Variants in DSCAML1 observed in about 807,000 individuals in gnomAD.
The protein encoded by DSCAML1 is cell adhesion molecule DSCAML1.
A neutral mutation model predicts 200.5 loss-of-function variants in DSCAML1; 38 were observed. The observed-to-expected ratio is 0.19, with a 90% CI of 0.15 to 0.25. DSCAML1 has a LOEUF of 0.25. DSCAML1 is among the 10% of genes least tolerant of loss of function. DSCAML1 has a pLI of 1.00. For synonymous variants in DSCAML1, 1,215 were observed against 1,165.0 expected (o/e 1.04, Z -0.87); for missense variants, 2,223 against 2,858.8 (o/e 0.78, Z 5.07).
In DSCAML1 at chr11:117,437,218, G is replaced by A; in HGVS notation, c.4624C>T (p.Arg1542Ter). The A allele has an allele frequency of 6.2e-7, 1 of 1,614,154 alleles. No homozygotes were observed. Among genetic ancestry groups the A allele is most frequent in the Non-Finnish European group, 8.5e-7 (1 of 1,180,036 alleles). Residue 1542 changes from arginine to a stop codon, truncating the protein, a stop_gained, in exon 26 of 33, where the codon CGA (arginine) becomes TGA (stop). Coordinates refer to ENST00000651296, the MANE Select transcript of DSCAML1 (RefSeq NM_020693.4). LOFTEE classifies it high-confidence loss of function. This position sits in a 1 kb window ranked among gnomAD's most constrained non-coding sequence, Gnocchi z 5.3. ...SSGEVFLTEL[R>*]EATWYELRMR... Reference sequence around the variant, plus strand: ...CGCAGCTCGTACCACGTGGCCTCTCGCAGTTCCGTCAGAAACACCTCCCCG... The same window carrying A: ...CGCAGCTCGTACCACGTGGCCTCTCACAGTTCCGTCAGAAACACCTCCCCG...
rs188343727 is a variant in DSCAML1, at chr11:117,686,274, T to C, written c.511+90517A>G. 1.4e-3 allele frequency among the ~76,000 whole-genome samples: 217 copies of C among 152,300 alleles called. 2 individuals carry two copies. The highest frequency in any genetic ancestry group is 4.7e-3 in the African/African-American group (197 of 41,560). On this transcript the variant is annotated intron_variant, in intron 3 of 32. Coordinates refer to ENST00000651296, the MANE Select transcript of DSCAML1 (RefSeq NM_020693.4). The stretch of plus-strand genomic sequence containing the variant: ...CCAGTACTGACCTGCTCTCAGCATA[T>C]GGGCAGAGGTGCGGTCAAGTGCTCA...
intron 3 of DSCAML1, among the ~76,000 whole-genome samples, chr11:117,766,888 G>T (rs2054907189): frequency 1.3e-5 from 2 of 152,108 alleles, no homozygotes; most frequent in Admixed American, 1.3e-4. Flanking sequence ...GATATTGGAA[G>T]AAGTTCTAGG....
intron 12 of DSCAML1, 67 bp from the exon 13 acceptor site, chr11:117,481,337 G>T: frequency 1.3e-6 from 2 of 1,513,378 alleles, no homozygotes; most frequent in Non-Finnish European, 1.8e-6. Flanking sequence ...CTGGTCAGCT[G>T]AAGGGGTCAC....
chr11:117,615,013 C>G lies in DSCAML1; in HGVS notation c.512-82491G>C, dbSNP rs144586909. 2.2e-3 allele frequency among the ~76,000 whole-genome samples: 333 copies of G among 152,152 alleles called. 3 individuals carry two copies. Among genetic ancestry groups the G allele is most frequent in the African/African-American group, 7.7e-3 (319 of 41,508 alleles). On this transcript the variant is annotated intron_variant, in intron 3 of 32. Transcript: ENST00000651296. ...CAGTTTGGCACCAGATAATTTTGCA[C>G]AGAAAAAAAGCCGGTAAAGAATCTA...
At chr11:117,575,125 A>C (rs1471419887) in intron 3 of DSCAML1, among the ~76,000 whole-genome samples, 2 of 152,218 alleles carry the variant, frequency 1.3e-5, no homozygotes, top group African/African-American at 4.8e-5. Flanking sequence ...CAGGAGGCGG[A>C]GGTTGCAATG....
chr11:117,545,234 AACACACAC>A (rs758060622), intron 3 of DSCAML1, among the ~76,000 whole-genome samples: 6 of 143,478 alleles, frequency 4.2e-5, no homozygotes, highest in Middle Eastern at 3.6e-3. Context: ...CGTAAAAAAA[AACACACAC>A]ACACACACAC....
At chr11:117,451,377 T>C (rs2048279715) in intron 19 of DSCAML1, among the ~76,000 whole-genome samples, 1 of 152,212 alleles carries the variant, frequency 6.6e-6, no homozygotes, top group African/African-American at 2.4e-5. Context: ...ATTGTATGGT[T>C]GTGTACTTGT....
chr11:117,751,528 T>C (rs781520066), intron 3 of DSCAML1, among the ~76,000 whole-genome samples: 1 of 151,940 alleles, frequency 6.6e-6, no homozygotes, highest in African/African-American at 2.4e-5. Flanking sequence ...CTGGGCACCA[T>C]CTCGGGGCTT....
At chr11:117,798,310 T>C (rs1003332967), upstream of DSCAML1, among the ~76,000 whole-genome samples, 2 of 152,160 alleles carry the variant, frequency 1.3e-5, no homozygotes, top group African/African-American at 2.4e-5. Flanking sequence ...GCTAGCTGCA[T>C]TTGCCAGAGG....
intron 23 of DSCAML1, 123 bp from the exon 24 acceptor site, chr11:117,439,106 G>GCTC: frequency 7.5e-7 from 1 of 1,334,336 alleles, no homozygotes; most frequent in Non-Finnish European, 1.0e-6. Flanking sequence ...CCACTCCCCA[G>GCTC]CTCTCCTGCC....
chr11:117,526,090 G>A (rs2049973123), intron 4 of DSCAML1, among the ~76,000 whole-genome samples: 1 of 152,226 alleles, frequency 6.6e-6, no homozygotes, highest in Non-Finnish European at 1.5e-5. Flanking sequence ...TGTGTGCAAT[G>A]CCCAGGAATT....
chr11:117,784,285 C>T (rs2055311859), intron 1 of DSCAML1, among the ~76,000 whole-genome samples: 1 of 152,188 alleles, frequency 6.6e-6, no homozygotes, highest in Non-Finnish European at 1.5e-5. Flanking sequence ...TTTGCACTTA[C>T]ATTGGGTTCA....
chr11:117,511,051 A>G (rs1268129825), intron 8 of DSCAML1, among the ~76,000 whole-genome samples: 1 of 152,180 alleles, frequency 6.6e-6, no homozygotes, highest in African/African-American at 2.4e-5. Flanking sequence ...TTATCATCAT[A>G]GAAACCCCCA....
chr11:117,598,625 C>T (rs1430088434), intron 3 of DSCAML1, among the ~76,000 whole-genome samples: 1 of 152,108 alleles, frequency 6.6e-6, no homozygotes, highest in East Asian at 1.9e-4. Context: ...CTCTTTTATT[C>T]CCCAAACATA....
chr11:117,469,574 T>C lies in DSCAML1; in HGVS notation c.3024+336A>G, dbSNP rs1158737202. ...GAACTTGGCACAAAATCAAACCTAC[T>C]TCCAACCTTATTACAACATGTGGGG... On this transcript the variant is annotated intron_variant, in intron 16 of 32. Coordinates refer to ENST00000651296, the MANE Select transcript of DSCAML1 (RefSeq NM_020693.4). The surrounding 1 kb of genome is among the most constrained non-coding windows in gnomAD (Gnocchi z 4.1). Among the ~76,000 whole-genome samples the C allele has an allele frequency of 6.6e-6, 1 of 152,118 alleles. No homozygotes were observed. The highest frequency in any genetic ancestry group is 1.5e-5 in the Non-Finnish European group (1 of 68,014).
chr11:117,479,916 G>A lies in DSCAML1; in HGVS notation c.2785+527C>T, dbSNP rs1162866628. On this transcript the variant is annotated intron_variant, in intron 14 of 32. Transcript: ENST00000651296. ...ACTCGCGTCAGCCTGCCAAAGTGTT[G>A]GGATTACAGGTATGAGCCACTGCGC... Among the ~76,000 whole-genome samples the A allele has an allele frequency of 2.0e-5, 3 of 152,190 alleles. No individual in the cohort carries two copies. In the East Asian group the frequency reaches 5.8e-4, roughly 29 times the overall value.
At chr11:117,681,243 C>T (rs561100898) in intron 3 of DSCAML1, among the ~76,000 whole-genome samples, 14 of 152,312 alleles carry the variant, frequency 9.2e-5, no homozygotes, top group Admixed American at 9.1e-4. Context: ...TGCCACTCAC[C>T]TAGTGTGGTC....
chr11:117,475,177 T>C (rs1023801842), intron 14 of DSCAML1, among the ~76,000 whole-genome samples: 2 of 152,168 alleles, frequency 1.3e-5, no homozygotes, highest in Admixed American at 1.3e-4. Context: ...GTGCTCAGCA[T>C]ACCCTGTTTC....
chr11:117,785,644 G>T (rs1565284507), intron 1 of DSCAML1, among the ~76,000 whole-genome samples: 1 of 152,124 alleles, frequency 6.6e-6, no homozygotes, highest in African/African-American at 2.4e-5. Context: ...GGTGCCTGAG[G>T]TTATCCAAGT....
Sources: gnomAD v4.1 joint callset for allele counts (sites outside exome capture counted in the v4.1 genomes callset) on GRCh38, gnomAD v4.1.1 for gene constraint, Gnocchi (gnomAD v3.1) non-coding constraint, MANE v1.5 for transcripts, NCBI Gene and HGNC (gene_info 2026-07-23, HGNC 2026-07-21) for gene names.